PATJ: variants seen among roughly 807,000 people sequenced by gnomAD.
PATJ encodes inaD-like protein.
A neutral mutation model predicts 224.9 loss-of-function variants in PATJ; 190 were observed. That is an observed-to-expected ratio of 0.84 (90% CI 0.75 to 0.95). The LOEUF (loss-of-function observed/expected upper bound fraction) is 0.95, where lower values mean the gene tolerates loss of function less well. PATJ is among the 40% of genes least tolerant of loss of function. The pLI, the probability that PATJ is intolerant of heterozygous loss-of-function variation, is 0.00. For missense variants in PATJ, 2,121 were observed against 2,270.3 expected (o/e 0.93, Z 1.34); for synonymous variants, 769 against 820.3 (o/e 0.94, Z 1.07).
intron 33 of PATJ, among the ~76,000 whole-genome samples, chr1:62,085,291 G>A (rs1325673825): frequency 6.6e-6 from 1 of 152,030 alleles, no homozygotes; most frequent in Non-Finnish European, 1.5e-5. Context: ...GGTCGAGGCT[G>A]TAGTGAACCG....
chr1:61,759,479 G>A lies in PATJ; in HGVS notation c.-35-3379G>A, dbSNP rs544883725. On this transcript the variant is annotated intron_variant, in intron 1 of 43. Coordinates refer to ENST00000642238, the MANE Select transcript of PATJ (RefSeq NM_001350145.3). ...GGCTGGAGTGCAGTGGCACGATCCC[G>A]GCTCACTGAAACCTCCACCTCCTGC... is the stretch of plus-strand genomic sequence containing the variant. 1.7e-3 allele frequency among the ~76,000 whole-genome samples: 251 copies of A among 146,188 alleles called. 2 individuals are homozygous for A. Among genetic ancestry groups the A allele is most frequent in the African/African-American group, 6.1e-3 (242 of 39,838 alleles).
At chr1:61,815,422 T>C (rs1370097605) in intron 14 of PATJ, among the ~76,000 whole-genome samples, 2 of 152,356 alleles carry the variant, frequency 1.3e-5, no homozygotes, top group East Asian at 3.9e-4. Context: ...GGGTTTTGTC[T>C]ATGATCTTAG....
chr1:62,138,194 A>ACTT (rs1246302069), intron 41 of PATJ, among the ~76,000 whole-genome samples: 1 of 152,166 alleles, frequency 6.6e-6, no homozygotes, highest in African/African-American at 2.4e-5. Context: ...AGTTCTAGTA[A>ACTT]CTTTAATGGT....
intron 13 of PATJ, among the ~76,000 whole-genome samples, chr1:61,807,150 AAAAAC>A (rs902486917): frequency 2.2e-4 from 34 of 152,290 alleles, no homozygotes; most frequent in Middle Eastern, 3.4e-3. Context: ...ACTCCACCTC[AAAAAC>A]AAAACAAAAC....
intron 14 of PATJ, among the ~76,000 whole-genome samples, chr1:61,817,660 TC>T (rs1656413979): frequency 1.3e-5 from 2 of 152,110 alleles, no homozygotes; most frequent in South Asian, 4.1e-4. Context: ...AAACTCTGTC[TC>T]AAAAAATATA....
chr1:61,869,175 C>T (rs1457245001), intron 20 of PATJ, among the ~76,000 whole-genome samples: 7 of 140,680 alleles, frequency 5.0e-5, no homozygotes, highest in South Asian at 4.7e-4. Flanking sequence ...GGCGCCATCT[C>T]GGCTCACTGC....
rs140557862 is a variant in PATJ, at chr1:61,751,685, G to A, written c.-36+9130G>A. 3.8e-3 allele frequency among the ~76,000 whole-genome samples: 582 copies of A among 152,004 alleles called. 3 individuals carry two copies. The highest frequency in any genetic ancestry group is 0.013 in the African/African-American group (553 of 41,456). On this transcript the variant is annotated intron_variant, in intron 1 of 43. Transcript: ENST00000642238. ...TACTAAAAATACAAAAATTAGCCAG[G>A]TATGGTGGTGCATACCTGTAGTCTC... is the stretch of plus-strand genomic sequence containing the variant.
intron 40 of PATJ, 141 bp downstream of exon 40, chr1:62,128,235 T>G (rs1164740840): frequency 8.2e-6 from 6 of 733,262 alleles, no homozygotes. Flanking sequence ...TTAGATAAAC[T>G]TGATACCTTT....
intron 31 of PATJ, among the ~76,000 whole-genome samples, chr1:62,079,041 G>A (rs1260577078): frequency 1.3e-5 from 2 of 151,936 alleles, no homozygotes; most frequent in African/African-American, 2.4e-5. Flanking sequence ...CATCCCCAGC[G>A]TAGATTGTTT....
chr1:61,895,537 G>T (rs919184518), intron 22 of PATJ, among the ~76,000 whole-genome samples: 7 of 152,242 alleles, frequency 4.6e-5, no homozygotes, highest in Non-Finnish European at 5.9e-5. Context: ...CAAGCCCCAA[G>T]CCTTGGTGGC....
At chr1:61,796,025 G>A (rs1347523529) in intron 10 of PATJ, among the ~76,000 whole-genome samples, 1 of 151,960 alleles carries the variant, frequency 6.6e-6, no homozygotes, top group Non-Finnish European at 1.5e-5. Flanking sequence ...AATTAAAACT[G>A]GTCTTTCCCC....
chr1:62,129,855 C>T (rs1378817307), intron 41 of PATJ, among the ~76,000 whole-genome samples: 3 of 151,628 alleles, frequency 2.0e-5, no homozygotes, highest in Admixed American at 6.6e-5. Flanking sequence ...AGGAGAATCA[C>T]TTGGACCTGG....
chr1:61,762,491 A>G (rs1372839588), intron 1 of PATJ, among the ~76,000 whole-genome samples: 1 of 152,164 alleles, frequency 6.6e-6, no homozygotes, highest in Non-Finnish European at 1.5e-5. Context: ...TTTTGTGAGC[A>G]TATATTTTCA....
At chr1:62,122,394 A>T (rs1046280235) in intron 38 of PATJ, among the ~76,000 whole-genome samples, 1 of 149,194 alleles carries the variant, frequency 6.7e-6, no homozygotes, top group Non-Finnish European at 1.5e-5. Context: ...AACCACACAC[A>T]CACACAAAAA....
intron 16 of PATJ, among the ~76,000 whole-genome samples, chr1:61,831,394 G>A (rs2148780837): frequency 1.3e-5 from 2 of 152,040 alleles, no homozygotes; most frequent in East Asian, 1.9e-4. Context: ...GAGTAAACAG[G>A]CAACCTACAG....
At chr1:62,131,368 T>C (rs911586842) in intron 41 of PATJ, among the ~76,000 whole-genome samples, 2 of 152,154 alleles carry the variant, frequency 1.3e-5, no homozygotes, top group Non-Finnish European at 2.9e-5. Flanking sequence ...CTTAGGAGGA[T>C]CCTACTTCAA....
At chr1:61,814,547 T>TGTGTGC (rs370488022) in intron 14 of PATJ, among the ~76,000 whole-genome samples, 11,689 of 142,384 alleles carry the variant, frequency 0.082, 528 homozygotes, top group South Asian at 0.14. Flanking sequence ...TGTGTGTGTG[T>TGTGTGC]GCGCGCGCGC....
intron 7 of PATJ, among the ~76,000 whole-genome samples, chr1:61,776,007 T>A (rs1187438269): frequency 6.6e-6 from 1 of 152,202 alleles, no homozygotes; most frequent in Non-Finnish European, 1.5e-5. Flanking sequence ...TATGTAAAAT[T>A]TCACTGATTA....
intron 33 of PATJ, among the ~76,000 whole-genome samples, chr1:62,092,334 T>A (rs1660850169): frequency 6.6e-6 from 1 of 152,010 alleles, no homozygotes; most frequent in Non-Finnish European, 1.5e-5. Context: ...AAACTTTTAT[T>A]GCACCACTAC....
Sources: gnomAD v4.1 joint callset for allele counts (sites outside exome capture counted in the v4.1 genomes callset) on GRCh38, gnomAD v4.1.1 for gene constraint, MANE v1.5 for transcripts, NCBI Gene and HGNC (gene_info 2026-07-23, HGNC 2026-07-21) for gene names.